ACAD10: variants seen among roughly 807,000 people sequenced by gnomAD.
The protein encoded by ACAD10 is acyl-CoA dehydrogenase family member 10, also known as ACAD-10.
ACAD10 carries 112 observed loss-of-function variants against 116.8 expected under a neutral mutation model. The ratio of observed to expected loss-of-function variants is 0.96; its 90% CI spans 0.82 to 1.12. The LOEUF is 1.12. Ranked by LOEUF, ACAD10 falls within the 50% of genes most tolerant of loss-of-function variation. ACAD10 has a pLI of 0.00. For missense variants in ACAD10, 1,259 were observed against 1,350.2 expected (o/e 0.93, Z 1.06); for synonymous variants, 486 against 510.6 (o/e 0.95, Z 0.65).
intron 3 of ACAD10, among the ~76,000 whole-genome samples, chr12:111,703,217 T>C (rs1888401306): frequency 6.6e-6 from 1 of 151,822 alleles, no homozygotes; most frequent in African/African-American, 2.4e-5. Flanking sequence ...GGGGCAAAGG[T>C]TTTAGAGCCA....
intron 8 of ACAD10, among the ~76,000 whole-genome samples, chr12:111,723,089 G>A (rs1169432063): frequency 2.1e-5 from 3 of 146,310 alleles, no homozygotes; most frequent in Admixed American, 6.7e-5. Flanking sequence ...CAGTAGGGGC[G>A]GCCGGGCAGA....
intron 19 of ACAD10, 71 bp from the exon 20 acceptor site, chr12:111,755,597 A>G: frequency 1.8e-6 from 2 of 1,125,068 alleles, no homozygotes; most frequent in Non-Finnish European, 1.3e-6. Flanking sequence ...GAGATGGGGG[A>G]CGGGGGGGCC....
chr12:111,735,840 ATTTG>A (rs1189468805), intron 11 of ACAD10, among the ~76,000 whole-genome samples: 5 of 151,192 alleles, frequency 3.3e-5, no homozygotes, highest in African/African-American at 4.9e-5. Context: ...TTATTTGTTT[ATTTG>A]TTTATTTATT....
At chr12:111,719,102 CATA>C (rs938988620) in intron 7 of ACAD10, among the ~76,000 whole-genome samples, 6 of 151,024 alleles carry the variant, frequency 4.0e-5, no homozygotes, top group Non-Finnish European at 5.9e-5. Context: ...GCCTGGGCAA[CATA>C]ATGAGACTCT....
intron 10 of ACAD10, 163 bp from the exon 11 acceptor site, chr12:111,733,760 G>A: frequency 1.4e-6 from 1 of 739,522 alleles, no homozygotes; most frequent in Non-Finnish European, 2.2e-6. Flanking sequence ...AAGCCAGAGG[G>A]CAAGGGAGCC....
At position 111,746,283 on chromosome 12, in the gene ACAD10, A is replaced by G; in HGVS notation, c.2255A>G (p.Glu752Gly). The G allele has an allele frequency of 6.2e-7, 1 of 1,610,110 alleles. No homozygotes were observed. Residue 752 changes from glutamate (E) to glycine (G), a missense_variant and splice_region_variant, in exon 14 of 21, where the codon GAG (glutamate) becomes GGG (glycine). Coordinates refer to ENST00000313698, the MANE Select transcript of ACAD10 (RefSeq NM_025247.6). ...ELMGTSLYAP[E>G]VCNCSAPDTG... ...ATGGGCACGTCCCTGTATGCCCCCG[A>G]GGTACCTTCTTTAAAGTTTTCCTCA...
chr12:111,696,738 C>G lies in ACAD10; in HGVS notation c.187+3842C>G, dbSNP rs150103458. Among the ~76,000 whole-genome samples the G allele has an allele frequency of 5.1e-3, 782 of 152,176 alleles. 2 individuals are homozygous for G. The highest frequency in any genetic ancestry group is 0.018 in the African/African-American group (735 of 41,546). On this transcript the variant is annotated intron_variant, in intron 2 of 20. Coordinates refer to ENST00000313698, the MANE Select transcript of ACAD10 (RefSeq NM_025247.6). Reference sequence around the variant, plus strand: ...TTTAGTTTTTTTATTTTTTATTTTACTTTATTTTTCTCCAAGAATGCATTT... The same window carrying G: ...TTTAGTTTTTTTATTTTTTATTTTAGTTTATTTTTCTCCAAGAATGCATTT...
intron 18 of ACAD10, among the ~76,000 whole-genome samples, chr12:111,750,199 C>A (rs918342701): frequency 6.6e-6 from 1 of 150,406 alleles, no homozygotes; most frequent in Non-Finnish European, 1.5e-5. Context: ...TCACACCATT[C>A]TCTTGCCTCA....
At chr12:111,728,218 T>C in intron 9 of ACAD10, 75 bp downstream of exon 9, 7 of 1,472,024 alleles carry the variant, frequency 4.8e-6, no homozygotes, top group Non-Finnish European at 5.5e-6. Flanking sequence ...TGAATCGTTT[T>C]GGGTCGTTTT....
intron 2 of ACAD10, among the ~76,000 whole-genome samples, chr12:111,699,532 T>G (rs1401465325): frequency 2.0e-5 from 3 of 151,908 alleles, no homozygotes; most frequent in African/African-American, 4.8e-5. Flanking sequence ...GTTCCATAGC[T>G]TTTTTTTGAC....
intron 7 of ACAD10, among the ~76,000 whole-genome samples, chr12:111,719,552 TTTTG>T (rs1047819721): frequency 2.0e-5 from 3 of 149,978 alleles, no homozygotes; most frequent in African/African-American, 7.4e-5. Flanking sequence ...GCGCCCGGCC[TTTTG>T]TTTGTTATTT....
intron 18 of ACAD10, among the ~76,000 whole-genome samples, chr12:111,751,359 C>G (rs535683329): frequency 6.6e-6 from 1 of 152,224 alleles, no homozygotes; most frequent in South Asian, 2.1e-4. Context: ...TCCCAGCACT[C>G]TGAGAGGCCG....
rs1205952790 is a variant in ACAD10 at position 111,741,348 on chromosome 12, AG to A, written c.1715-3294del. On this transcript the variant is annotated intron_variant, in intron 12 of 20. Coordinates refer to ENST00000313698, the MANE Select transcript of ACAD10 (RefSeq NM_025247.6). ...GTCCTGGTCACCTCTGATATTTCCTAGCCGGCTGCCAAGTTTTCTCCCTGCT... is the reference window on the plus strand; with the variant it reads ...GTCCTGGTCACCTCTGATATTTCCTACCGGCTGCCAAGTTTTCTCCCTGCT... Among the ~76,000 whole-genome samples the A allele has an allele frequency of 2.0e-5, 3 of 152,300 alleles. No individual in the cohort carries two copies. In the East Asian group the frequency reaches 5.8e-4, roughly 29 times the overall value.
chr12:111,710,714 C>G (rs1888652761), intron 5 of ACAD10, among the ~76,000 whole-genome samples: 1 of 152,046 alleles, frequency 6.6e-6, no homozygotes, highest in Non-Finnish European at 1.5e-5. Flanking sequence ...AAGCTGGTCT[C>G]AAACTCCTAA....
Position 111,728,051 on chromosome 12 carries a change from GACGAGCCATATAC to G in ACAD10, c.1154_1166del (p.Arg385LeufsTer3). ...CTGCCAGGCTTGGAGCCCAGCCACA[GACGAGCCATATAC>G]ACTGCCATGAACACAGTCCTGTGCA... On this transcript the variant is annotated frameshift_variant, in exon 9 of 21. Coordinates refer to ENST00000313698, the MANE Select transcript of ACAD10 (RefSeq NM_025247.6). LOFTEE classifies it high-confidence loss of function. 1 of 1,614,174 alleles carries G rather than the reference GACGAGCCATATAC, an allele frequency of 6.2e-7. No homozygotes were observed. Among genetic ancestry groups the G allele is most frequent in the Non-Finnish European group, 8.5e-7 (1 of 1,180,028 alleles).
chr12:111,695,019 C>T (rs932905458), intron 2 of ACAD10, among the ~76,000 whole-genome samples: 1 of 152,114 alleles, frequency 6.6e-6, no homozygotes, highest in African/African-American at 2.4e-5. Context: ...CAAAGTGAGA[C>T]CCTGTCACAA....
At chr12:111,717,244 G>A (rs1214258012) in intron 7 of ACAD10, among the ~76,000 whole-genome samples, 2 of 151,132 alleles carry the variant, frequency 1.3e-5, no homozygotes, top group African/African-American at 4.9e-5. Context: ...TGTAGTCCCA[G>A]TTACATGGGA....
chr12:111,690,223 G>A (rs781526717), intron 1 of ACAD10, among the ~76,000 whole-genome samples: 24 of 152,150 alleles, frequency 1.6e-4, no homozygotes, highest in African/African-American at 5.3e-4. Context: ...ATATATCTGC[G>A]TATATATAAT....
chr12:111,739,603 T>G (rs1889671377), intron 12 of ACAD10, among the ~76,000 whole-genome samples: 1 of 151,776 alleles, frequency 6.6e-6, no homozygotes, highest in Middle Eastern at 3.4e-3. Context: ...CTAAAAAATA[T>G]AAAAATTAGC....
Sources: gnomAD v4.1 joint callset for allele counts (sites outside exome capture counted in the v4.1 genomes callset) on GRCh38, gnomAD v4.1.1 for gene constraint, MANE v1.5 for transcripts, NCBI Gene and HGNC (gene_info 2026-07-23, HGNC 2026-07-21) for gene names.